GSK3B: variants seen among roughly 807,000 people sequenced by gnomAD.
The protein encoded by GSK3B is glycogen synthase kinase 3 beta.
Under a neutral mutation model 56.4 loss-of-function variants are expected in GSK3B, and 15 were observed. The ratio of observed to expected loss-of-function variants is 0.27; its 90% CI spans 0.18 to 0.41. The LOEUF (loss-of-function observed/expected upper bound fraction) is 0.41. Among genes scored for constraint, GSK3B ranks in the 10% least tolerant of loss-of-function variants. GSK3B has a pLI of 1.00. For missense variants in GSK3B, 300 were observed against 513.4 expected (o/e 0.58, Z 4.02); for synonymous variants, 181 against 188.9 (o/e 0.96, Z 0.34).
chr3:119,834,053 C>T (rs147022036), intron 10 of GSK3B, among the ~76,000 whole-genome samples: 221 of 152,220 alleles, frequency 1.5e-3, no homozygotes, highest in Non-Finnish European at 2.5e-3. Context: ...ATAACAATCT[C>T]TTCCAAGCAC....
intron 4 of GSK3B, among the ~76,000 whole-genome samples, chr3:119,920,936 C>T (rs2056834220): frequency 1.3e-5 from 2 of 152,260 alleles, no homozygotes; most frequent in South Asian, 4.1e-4. Context: ...ATAACCAATC[C>T]CGTGACAATT....
chr3:119,851,052 T>C (rs1428179681), intron 9 of GSK3B, among the ~76,000 whole-genome samples: 1 of 152,184 alleles, frequency 6.6e-6, no homozygotes, highest in Non-Finnish European at 1.5e-5. Flanking sequence ...GAAGAAGTCA[T>C]GAAAACTATT....
At chr3:119,947,897 G>T (rs1401352213) in intron 2 of GSK3B, among the ~76,000 whole-genome samples, 1 of 146,504 alleles carries the variant, frequency 6.8e-6, no homozygotes. Context: ...AGAAAGAAAA[G>T]AAAAGAAATT....
chr3:119,822,632 G>A lies in GSK3B; in HGVS notation c.*4156C>T, dbSNP rs1199776612. The A allele has an allele frequency of 1.3e-5, 3 of 228,826 alleles. No homozygotes were observed. In the East Asian group the frequency reaches 1.9e-4, roughly 14 times the overall value. 14.2% of individuals were successfully genotyped at this position (228,826 alleles called of 1,614,324 possible). A position where few individuals can be genotyped will look rare whatever the true frequency, so the allele number is the denominator to read the frequency against. On this transcript the variant is annotated 3_prime_UTR_variant, in exon 11 of 11. Coordinates refer to ENST00000264235, the MANE Select transcript of GSK3B (RefSeq NM_001146156.2). ...CTCTCAAAGGTAGATCTCAGTCTGG[G>A]ACTCTACTGTGCTTCTAGTTGTCTC...
At position 119,923,457 on chromosome 3, in the gene GSK3B, C is replaced by G; in HGVS notation, c.393G>C (p.Val131=). The change falls in exon 4 of 11, where the codon GTG becomes GTC. Residue 131 remains valine, a synonymous_variant. Transcript: ENST00000264235. ...ATACTGTTTCCGGAACATAGTCCAG[C>G]ACCAGATTAAGATAGACCTCATCTT... is the stretch of plus-strand genomic sequence containing the variant. ...EKKDEVYLNL[V]LDYVPETVYR... is the part of the protein sequence containing the mutation. 1 of 1,598,808 alleles carries G rather than the reference C, an allele frequency of 6.3e-7. No homozygotes were observed. Among genetic ancestry groups the G allele is most frequent in the Non-Finnish European group, 8.6e-7 (1 of 1,168,274 alleles).
intron 2 of GSK3B, among the ~76,000 whole-genome samples, chr3:119,972,728 C>G (rs1175825736): frequency 6.6e-6 from 1 of 152,130 alleles, no homozygotes; most frequent in Non-Finnish European, 1.5e-5. Context: ...AGCCACCGCG[C>G]CCACCTATTT....
chr3:119,939,479 T>C (rs2057026793), intron 3 of GSK3B, among the ~76,000 whole-genome samples: 1 of 152,204 alleles, frequency 6.6e-6, no homozygotes, highest in South Asian at 2.1e-4. Flanking sequence ...TAATTGATCA[T>C]ATAAAGCTTT....
At chr3:119,969,173 T>A (rs372372284) in intron 2 of GSK3B, among the ~76,000 whole-genome samples, 3 of 151,658 alleles carry the variant, frequency 2.0e-5, no homozygotes, top group South Asian at 2.1e-4. Flanking sequence ...ACGCCTGTAA[T>A]CCCAGCTACT....
intron 1 of GSK3B, among the ~76,000 whole-genome samples, chr3:120,076,261 G>C (rs751413083): frequency 3.9e-5 from 6 of 152,100 alleles, no homozygotes; most frequent in Non-Finnish European, 8.8e-5. Context: ...ATTCCTAGAA[G>C]AAAACATAGG....
chr3:119,862,540 A>AAG (rs1553725614), intron 9 of GSK3B, among the ~76,000 whole-genome samples: 3 of 149,206 alleles, frequency 2.0e-5, no homozygotes, highest in African/African-American at 7.4e-5. Context: ...AAAAAAAAAA[A>AAG]AAAGAAAGAT....
Position 119,912,959 on chromosome 3 carries a change from C to T in GSK3B, c.609-149G>A, listed in dbSNP as rs540714969. 38 of 451,576 alleles carry T rather than the reference C, an allele frequency of 8.4e-5. No homozygotes were observed. The South Asian group carries it at 2.0e-3, about 24-fold the overall frequency. 28.0% of individuals were successfully genotyped at this position (451,576 alleles called of 1,614,324 possible). A position where few individuals can be genotyped will look rare whatever the true frequency, so the allele number is the denominator to read the frequency against. On this transcript the variant is annotated intron_variant, in intron 5 of 10. Transcript: ENST00000264235. ...ATGAAAAAGAAAATGTAAACTGTAA[C>T]TATCTCTAATAAAAGAAATTTACAA...
chr3:119,938,784 T>A (rs2057020262), intron 3 of GSK3B, among the ~76,000 whole-genome samples: 1 of 152,024 alleles, frequency 6.6e-6, no homozygotes. Context: ...ATAATAAATC[T>A]TAATATACTT....
At chr3:119,874,513 A>G (rs546802773) in intron 8 of GSK3B, among the ~76,000 whole-genome samples, 1 of 152,166 alleles carries the variant, frequency 6.6e-6, no homozygotes, top group East Asian at 1.9e-4. Context: ...TAGATAAAGG[A>G]GGACTAGTGG....
chr3:119,879,274 G>A (rs2056351963), intron 7 of GSK3B, among the ~76,000 whole-genome samples: 1 of 152,070 alleles, frequency 6.6e-6, no homozygotes, highest in African/African-American at 2.4e-5. Context: ...TCCGGCTCCT[G>A]GGCTCACACC....
intron 7 of GSK3B, among the ~76,000 whole-genome samples, chr3:119,898,190 C>A (rs2056589410): frequency 6.6e-6 from 1 of 152,174 alleles, no homozygotes; most frequent in Admixed American, 6.6e-5. Flanking sequence ...TCAAACATCT[C>A]ATGTAACCTA....
chr3:119,961,970 T>C (rs766000148), intron 2 of GSK3B, among the ~76,000 whole-genome samples: 1 of 152,238 alleles, frequency 6.6e-6, no homozygotes, highest in African/African-American at 2.4e-5. Context: ...TAAGCTATAA[T>C]GTACTACAGA....
intron 1 of GSK3B, among the ~76,000 whole-genome samples, chr3:120,012,611 C>G (rs2107499432): frequency 6.6e-6 from 1 of 152,326 alleles, no homozygotes; most frequent in South Asian, 2.1e-4. Context: ...ATAGACCCCT[C>G]ATGACGCAAT....
At chr3:120,058,245 T>C (rs2058207375) in intron 1 of GSK3B, among the ~76,000 whole-genome samples, 1 of 152,116 alleles carries the variant, frequency 6.6e-6, no homozygotes, top group Non-Finnish European at 1.5e-5. Flanking sequence ...TGTACTTTTT[T>C]ATACTGATAA....
intron 2 of GSK3B, among the ~76,000 whole-genome samples, chr3:119,959,268 C>G (rs1375736871): frequency 6.6e-6 from 1 of 152,098 alleles, no homozygotes; most frequent in Non-Finnish European, 1.5e-5. Flanking sequence ...GATCAGACTC[C>G]CAATTGTATA....
Sources: gnomAD v4.1 joint callset for allele counts (sites outside exome capture counted in the v4.1 genomes callset) on GRCh38, gnomAD v4.1.1 for gene constraint, MANE v1.5 for transcripts, NCBI Gene and HGNC (gene_info 2026-07-23, HGNC 2026-07-21) for gene names.